Variants in GKN1 observed in about 807,000 individuals in gnomAD.
GKN1 encodes gastrokine 1, also known as gastrokine-1.
GKN1 carries 17 observed loss-of-function variants against 19.7 expected under a neutral mutation model. The ratio of observed to expected loss-of-function variants is 0.86; its 90% CI spans 0.59 to 1.29. GKN1 has a LOEUF of 1.29. GKN1 is among the 50% of genes most tolerant of loss of function. The probability of loss-of-function intolerance (pLI) is 0.00; values close to 1 mark genes in which losing one functional copy is unlikely to be tolerated. For synonymous variants in GKN1, 96 were observed against 78.3 expected (o/e 1.23, Z -1.20); for missense variants, 218 against 224.5 (o/e 0.97, Z 0.19).
chr2:68,976,408 T>C (rs1366124393), intron 1 of GKN1, among the ~76,000 whole-genome samples: 2 of 152,192 alleles, frequency 1.3e-5, no homozygotes, highest in African/African-American at 4.8e-5. Flanking sequence ...GGTACAAATA[T>C]GTTACCTAGG....
At position 68,974,670 on chromosome 2, in the gene GKN1, A is replaced by G; in HGVS notation, c.-8A>G. 1 of 1,601,322 alleles carries G rather than the reference A, an allele frequency of 6.2e-7. No individual in the cohort carries two copies. Among genetic ancestry groups the G allele is most frequent in the Non-Finnish European group, 8.6e-7 (1 of 1,168,310 alleles). On this transcript the variant is annotated 5_prime_UTR_variant, in exon 1 of 6. Transcript: ENST00000377938. ...TACTCCTCTGTCCACTGCTTTCGTGAAGACAAGATGAAGTTCACAGTGAGT... is the reference window on the plus strand; with the variant it reads ...TACTCCTCTGTCCACTGCTTTCGTGGAGACAAGATGAAGTTCACAGTGAGT...
intron 3 of GKN1, 91 bp from the exon 4 acceptor site, chr2:68,978,780 T>G: frequency 1.5e-6 from 1 of 666,812 alleles, no homozygotes; most frequent in South Asian, 1.9e-5. Context: ...GATCTTGGAG[T>G]TCCCATTTCT....
Position 68,978,967 on chromosome 2 carries a change from G to A in GKN1, c.301G>A (p.Val101Ile), listed in dbSNP as rs1328479845. ...MPSIQSLDAL[V>I]KEKKLQGKGP... ...CTCCATTCAATCCCTTGATGCACTG[G>A]TCAAGGAAAAGAAGGTAAAAATAAA... The change falls in exon 4 of 6, where the codon GTC (valine) becomes ATC (isoleucine). Residue 101 changes from valine (V) to isoleucine (I), a missense_variant. Val to Ile is a conservative substitution (Grantham distance 29). Transcript: ENST00000377938. The A allele has an allele frequency of 2.6e-6, 4 of 1,567,332 alleles. No individual in the cohort carries two copies. Among genetic ancestry groups the A allele is most frequent in the Non-Finnish European group, 2.6e-6 (3 of 1,138,270 alleles).
rs937725846 is a variant in GKN1 at position 68,974,749 on chromosome 2, AGATTTAG to A, written c.12+63_12+69del. 4.5e-6 allele frequency: 5 copies of A among 1,107,784 alleles called. No individual in the cohort carries two copies. The African/African-American group carries it at 7.7e-5, about 17-fold the overall frequency. The allele number at this position is 1,107,784 out of a possible 1,614,324, so 68.6% of individuals were successfully genotyped here. On this transcript the variant is annotated intron_variant, in intron 1 of 5. Coordinates refer to ENST00000377938, the MANE Select transcript of GKN1 (RefSeq NM_019617.4). Reference sequence around the variant, plus strand: ...ATGATTGGAGACTGTCAATATTCTGAGATTTAGGAGGTCTGCTTCTTATGGCCCCATC... The same window carrying A: ...ATGATTGGAGACTGTCAATATTCTGAGAGGTCTGCTTCTTATGGCCCCATC...
intron 4 of GKN1, among the ~76,000 whole-genome samples, chr2:68,979,443 G>A (rs1006649387): frequency 1.3e-5 from 2 of 152,120 alleles, no homozygotes; most frequent in Non-Finnish European, 2.9e-5. Context: ...ATGTAACTGG[G>A]TATTGTATAT....
chr2:68,977,736 G>A lies in GKN1; in HGVS notation c.166G>A (p.Gly56Arg), dbSNP rs145664731. The A allele has an allele frequency of 1.2e-5, 20 of 1,610,826 alleles. No individual in the cohort carries two copies. Among genetic ancestry groups the A allele is most frequent in the African/African-American group, 4.0e-5 (3 of 74,850 alleles). ...TGTGGCCAATGTTGACAATAACAAC[G>A]GATGGGACTCCTGGAATTCCATCTG... ...HNVANVDNNN[G>R]WDSWNSIWDY... is the part of the protein sequence containing the mutation. The change falls in exon 3 of 6, where the codon GGA becomes AGA. Residue 56 changes from glycine to arginine, a missense_variant. Coordinates refer to ENST00000377938, the MANE Select transcript of GKN1 (RefSeq NM_019617.4).
chr2:68,978,841 T>G, intron 3 of GKN1, 30 bp from the exon 4 acceptor site: 3 of 1,208,008 alleles, frequency 2.5e-6, no homozygotes, highest in Non-Finnish European at 3.7e-6. Context: ...GGAGAACACA[T>G]GCCTCACTAT....
Position 68,977,542 on chromosome 2 carries a change from T to C in GKN1, c.60T>C (p.Ala20=). The change falls in exon 2 of 6, where the codon GCT becomes GCC. Residue 20 remains alanine, a synonymous_variant. Coordinates refer to ENST00000377938, the MANE Select transcript of GKN1 (RefSeq NM_019617.4). ...LLGVFLAPAL[A]NYNINVNDDN... ...GAGTCTTTCTAGCTCCTGCCCTAGC[T>C]AACTATGTAAGTCTCACCTTTTCAA... is the stretch of plus-strand genomic sequence containing the variant. 1 of 1,609,208 alleles carries C rather than the reference T, an allele frequency of 6.2e-7. No homozygotes were observed. Among genetic ancestry groups the C allele is most frequent in the Non-Finnish European group, 8.5e-7 (1 of 1,175,684 alleles).
intron 3 of GKN1, among the ~76,000 whole-genome samples, chr2:68,978,486 T>C (rs1358911135): frequency 1.3e-5 from 2 of 152,172 alleles, no homozygotes; most frequent in African/African-American, 2.4e-5. Context: ...AACTCTTTAT[T>C]GTTTCAATTT....
Position 68,977,711 on chromosome 2 carries a change from T to C in GKN1, c.141T>C (p.Asn47=). Residue 47 remains asparagine, a synonymous_variant, in exon 3 of 6, where the codon AAT becomes AAC. Transcript: ENST00000377938. ...CAGTGAGTGTCAACAATGAACACAA[T>C]GTGGCCAATGTTGACAATAACAACG... is the stretch of plus-strand genomic sequence containing the variant. ...QQSVSVNNEH[N]VANVDNNNGW... The C allele has an allele frequency of 6.2e-7, 1 of 1,608,722 alleles. No homozygotes were observed. Among genetic ancestry groups the C allele is most frequent in the South Asian group, 1.1e-5 (1 of 90,988 alleles).
At chr2:68,979,788 T>C (rs992105316) in intron 4 of GKN1, 125 bp from the exon 5 acceptor site, 8 of 705,484 alleles carry the variant, frequency 1.1e-5, no homozygotes, top group Non-Finnish European at 2.0e-5. Flanking sequence ...TTCATCTTGA[T>C]TATGGAAAAA....
At chr2:68,980,330 A>G (rs892099124) in intron 5 of GKN1, among the ~76,000 whole-genome samples, 1 of 152,218 alleles carries the variant, frequency 6.6e-6, no homozygotes, top group African/African-American at 2.4e-5. Context: ...GCCTGGGTCA[A>G]TTCCAAGCAT....
At chr2:68,980,135 G>C (rs577370859) in intron 5 of GKN1, 75 bp downstream of exon 5, 27 of 1,251,226 alleles carry the variant, frequency 2.2e-5, no homozygotes, top group Admixed American at 1.4e-4. Flanking sequence ...CGTGTCCATA[G>C]TGGGCACCAG....
At chr2:68,975,569 C>T (rs747232371) in intron 1 of GKN1, among the ~76,000 whole-genome samples, 5 of 152,110 alleles carry the variant, frequency 3.3e-5, no homozygotes, top group African/African-American at 1.2e-4. Flanking sequence ...GAAAACGTTA[C>T]GGCAGACTCT....
At position 68,980,908 on chromosome 2, in the gene GKN1, A is replaced by C; in HGVS notation, c.*85A>C. 1.4e-6 allele frequency: 1 copy of C among 712,808 alleles called. No homozygotes were observed. The highest frequency in any genetic ancestry group is 2.5e-6 in the Non-Finnish European group (1 of 397,294). 44.2% of individuals were successfully genotyped at this position (712,808 alleles called of 1,614,324 possible). ...GGGCTCCAGTGGTTTTTACCATGTC[A>C]TTCTGAAATTTTTCTCTACTAGTTA... On this transcript the variant is annotated 3_prime_UTR_variant, in exon 6 of 6. Transcript: ENST00000377938.
rs188500710 is a variant in GKN1 at position 68,978,934 on chromosome 2, G to A, written c.268G>A (p.Val90Ile). The part of the protein sequence containing the change: ...TCIVHKMNKE[V>I]MPSIQSLDAL... ...CATTGTGCACAAAATGAACAAGGAA[G>A]TCATGCCCTCCATTCAATCCCTTGA... Residue 90 changes from valine (V) to isoleucine (I), a missense_variant, in exon 4 of 6, where the codon GTC becomes ATC. Physicochemically the swap from Val to Ile is conservative, Grantham distance 29. Coordinates refer to ENST00000377938, the MANE Select transcript of GKN1 (RefSeq NM_019617.4). The A allele has an allele frequency of 2.3e-4, 369 of 1,610,040 alleles. 1 individual carries two copies. In the East Asian group the frequency reaches 7.3e-3, roughly 32 times the overall value.
chr2:68,977,045 C>G (rs774735586), intron 1 of GKN1, among the ~76,000 whole-genome samples: 2 of 152,108 alleles, frequency 1.3e-5, no homozygotes, highest in Admixed American at 1.3e-4. Context: ...GCAAAGTCAT[C>G]TTTATGATAC....
In GKN1 at chr2:68,980,118, C is replaced by A. The variant is rs1039413360; in HGVS notation, c.463+58C>A. The stretch of plus-strand genomic sequence containing the variant: ...AGTGCTGGTGGGATTGTCAGACTAT[C>A]CTCGCGCGTGTCCATAGTGGGCACC... On this transcript the variant is annotated intron_variant, in intron 5 of 5. Transcript: ENST00000377938. 3.0e-5 allele frequency: 44 copies of A among 1,487,678 alleles called. No individual in the cohort carries two copies. The Admixed American group carries it at 3.5e-4, about 12-fold the overall frequency. 92.2% of individuals were successfully genotyped at this position (1,487,678 alleles called of 1,614,324 possible). A position where few individuals can be genotyped will look rare whatever the true frequency, so the allele number is the denominator to read the frequency against.
chr2:68,978,756 T>A (rs1670315546), intron 3 of GKN1, 115 bp from the exon 4 acceptor site: 2 of 619,166 alleles, frequency 3.2e-6, no homozygotes, highest in Non-Finnish European at 5.9e-6. Context: ...AGTGCTCTTA[T>A]CCCAGCTCAT....
Sources: allele counts gnomAD v4.1 joint callset (sites outside exome capture counted in the v4.1 genomes callset), GRCh38; gene constraint gnomAD v4.1.1; transcripts MANE v1.5; gene names NCBI Gene and HGNC (gene_info 2026-07-23, HGNC 2026-07-21).